The following DNAJB1 variants were observed in gnomAD, a reference collection of about 807,000 sequenced individuals.
DNAJB1 encodes the protein DnaJ heat shock protein family (Hsp40) member B1, also known as dnaJ homolog subfamily B member 1.
Under a neutral mutation model 24.0 loss-of-function variants are expected in DNAJB1, and 14 were observed. That is an observed-to-expected ratio of 0.58 (90% CI 0.39 to 0.91). The LOEUF (loss-of-function observed/expected upper bound fraction) is 0.91, where lower values mean the gene tolerates loss of function less well. Among genes scored for constraint, DNAJB1 ranks in the 40% least tolerant of loss-of-function variants. DNAJB1 has a pLI of 0.00. For synonymous variants in DNAJB1, 262 were observed against 174.4 expected (o/e 1.50, Z -3.96); for missense variants, 517 against 458.1 (o/e 1.13, Z -1.17).
chr19:14,533,663 G>A (rs1454863280), upstream of DNAJB1, among the ~76,000 whole-genome samples: 4 of 149,330 alleles, frequency 2.7e-5, no homozygotes, highest in East Asian at 4.0e-4. Flanking sequence ...AGTGGAGATC[G>A]GTGGCTGTTT....
chr19:14,534,617 G>C (rs1184913174), upstream of DNAJB1, among the ~76,000 whole-genome samples: 2 of 151,872 alleles, frequency 1.3e-5, no homozygotes, highest in African/African-American at 4.8e-5. Context: ...TGTAGTTTTA[G>C]TAGAGATGGG....
upstream of DNAJB1, chr19:14,529,853 C>A: frequency 1.8e-6 from 2 of 1,140,630 alleles, no homozygotes; most frequent in East Asian, 2.5e-5. Flanking sequence ...AAGCGTTGCG[C>A]CCCGGGCCAC....
upstream of DNAJB1, among the ~76,000 whole-genome samples, chr19:14,519,489 G>T (rs1232615571): frequency 1.3e-5 from 2 of 152,214 alleles, no homozygotes; most frequent in Non-Finnish European, 2.9e-5. Context: ...ACCTCCTAAA[G>T]CAAGGTGAGG....
At chr19:14,517,359 G>A (rs1030640160) in intron 1 of DNAJB1, 1 of 322,794 alleles carries the variant, frequency 3.1e-6, no homozygotes. Context: ...GATGGCTAAA[G>A]ACACATGGTC....
At chr19:14,542,617 C>G (rs985102864) in intron 1 of DNAJB1, among the ~76,000 whole-genome samples, 7 of 152,088 alleles carry the variant, frequency 4.6e-5, no homozygotes. Flanking sequence ...ACGCTTTGGC[C>G]TCCCAAAGTG....
intron 1 of DNAJB1, among the ~76,000 whole-genome samples, chr19:14,549,870 C>T (rs1457726380): frequency 6.6e-6 from 1 of 151,662 alleles, no homozygotes; most frequent in African/African-American, 2.4e-5. Flanking sequence ...TGGAACTCGG[C>T]ATGCGGAGGT....
At chr19:14,553,526 G>A (rs2146607990), upstream of DNAJB1, among the ~76,000 whole-genome samples, 1 of 152,262 alleles carries the variant, frequency 6.6e-6, no homozygotes, top group East Asian at 1.9e-4. Context: ...TGGTATTTCT[G>A]GCCGAGCAGG....
upstream of DNAJB1, chr19:14,530,067 G>A: frequency 2.5e-6 from 1 of 402,964 alleles, no homozygotes; most frequent in Non-Finnish European, 4.7e-6. Flanking sequence ...AGGGAGTCTT[G>A]CACAAATCTT....
intron 1 of DNAJB1, among the ~76,000 whole-genome samples, chr19:14,548,183 C>T (rs1043348719): frequency 3.3e-5 from 5 of 151,650 alleles, no homozygotes; most frequent in East Asian, 1.9e-4. Flanking sequence ...AGGATCGTGT[C>T]GATCTCCTGA....
chr19:14,526,251 C>T (rs1242093821), intron 2 of DNAJB1, among the ~76,000 whole-genome samples: 1 of 152,196 alleles, frequency 6.6e-6, no homozygotes, highest in Non-Finnish European at 1.5e-5. Flanking sequence ...AACAGATCTA[C>T]CAGTCACCAT....
intron 1 of DNAJB1, among the ~76,000 whole-genome samples, chr19:14,556,247 C>T (rs906868279): frequency 6.6e-6 from 1 of 152,116 alleles, no homozygotes; most frequent in South Asian, 2.1e-4. Flanking sequence ...TTCCCTCTGC[C>T]TGGACTGCAC....
chr19:14,550,860 C>T (rs1291022136), upstream of DNAJB1, among the ~76,000 whole-genome samples: 1 of 151,746 alleles, frequency 6.6e-6, no homozygotes, highest in Non-Finnish European at 1.5e-5. Flanking sequence ...TTTGTAGAGA[C>T]AGGGTTTCAC....
chr19:14,517,071 C>A, intron 1 of DNAJB1, 25 bp from the exon 2 acceptor site: 1 of 1,581,986 alleles, frequency 6.3e-7, no homozygotes, highest in South Asian at 1.1e-5. Context: ...TAGAAGCAGT[C>A]AGATGGCTGA....
chr19:14,518,045 C>T, intron 1 of DNAJB1, 94 bp downstream of exon 1: 1 of 1,285,892 alleles, frequency 7.8e-7, no homozygotes, highest in East Asian at 3.1e-5. Flanking sequence ...CGGCCCGGGG[C>T]GTCCTTCCCG....
intron 1 of DNAJB1, among the ~76,000 whole-genome samples, chr19:14,528,239 CTTTTTCT>C (rs999702923): frequency 1.2e-4 from 18 of 145,230 alleles, no homozygotes; most frequent in Non-Finnish European, 2.3e-4. Context: ...AGTCCCATTT[CTTTTTCT>C]TTTTTCTTTT....
upstream of DNAJB1, among the ~76,000 whole-genome samples, chr19:14,534,589 C>A (rs1325549753): frequency 6.7e-6 from 1 of 149,872 alleles, no homozygotes; most frequent in Non-Finnish European, 1.5e-5. Context: ...GTGGGTGCCA[C>A]CATGCCCGGC....
chr19:14,547,040 C>T (rs2080486719), intron 1 of DNAJB1, among the ~76,000 whole-genome samples: 1 of 152,138 alleles, frequency 6.6e-6, no homozygotes, highest in Non-Finnish European at 1.5e-5. Flanking sequence ...GTAATCAGTG[C>T]TAACCTTCAG....
chr19:14,543,405 ATATATATATATATATTTTTTTTTTTT>A (rs2073174628), intron 1 of DNAJB1, among the ~76,000 whole-genome samples: 19 of 19,566 alleles, frequency 9.7e-4, no homozygotes, highest in Admixed American at 1.8e-3. Flanking sequence ...ATATATATAT[ATATATATATATATATTTTTTTTTTTT>A]TTTTTTTTTT....
chr19:14,543,501 C>T (rs1365878443), intron 1 of DNAJB1, among the ~76,000 whole-genome samples: 8 of 116,036 alleles, frequency 6.9e-5, no homozygotes, highest in African/African-American at 1.7e-4. Context: ...TGCAGTGGCG[C>T]GATCTAGGCT....
Sources: allele counts gnomAD v4.1 joint callset (sites outside exome capture counted in the v4.1 genomes callset), GRCh38; gene constraint gnomAD v4.1.1; transcripts MANE v1.5; gene names NCBI Gene and HGNC (gene_info 2026-07-23, HGNC 2026-07-21).